Variants in FBXL7 observed in about 807,000 individuals in gnomAD.
The protein encoded by FBXL7 is F-box and leucine rich repeat protein 7, also known as F-box/LRR-repeat protein 7.
In FBXL7, 12 loss-of-function variants were observed where a neutral mutation model predicts 38.3. That is an observed-to-expected ratio of 0.31 (90% CI 0.20 to 0.51). The LOEUF (loss-of-function observed/expected upper bound fraction) is 0.51. FBXL7 is among the 20% of genes least tolerant of loss of function. The pLI is 0.98. For synonymous variants in FBXL7, 297 were observed against 300.9 expected (o/e 0.99, Z 0.13); for missense variants, 567 against 676.4 (o/e 0.84, Z 1.79).
intron 2 of FBXL7, among the ~76,000 whole-genome samples, chr5:15,657,258 T>G (rs1355874751): frequency 1.3e-5 from 2 of 152,180 alleles, no homozygotes; most frequent in Non-Finnish European, 2.9e-5. Flanking sequence ...AATAAACACA[T>G]GAAAATTGCC....
chr5:15,500,610 C>T lies in FBXL7; in HGVS notation c.-67C>T. 6.2e-7 allele frequency: 1 copy of T among 1,608,354 alleles called. No homozygotes were observed. The highest frequency in any genetic ancestry group is 8.5e-7 in the Non-Finnish European group (1 of 1,175,226). Reference sequence around the variant, plus strand: ...CCCGTCGGGCGGGCTTTCCTCGGGCCGAGCGCGCAGGACGTGCGCCGCAGC... The same window carrying T: ...CCCGTCGGGCGGGCTTTCCTCGGGCTGAGCGCGCAGGACGTGCGCCGCAGC... On this transcript the variant is annotated 5_prime_UTR_variant, in exon 1 of 4. Transcript: ENST00000504595.
chr5:15,925,031 CATGGACAAGCCCTAT>C (rs1741845336), intron 2 of FBXL7, among the ~76,000 whole-genome samples: 1 of 152,148 alleles, frequency 6.6e-6, no homozygotes, highest in African/African-American at 2.4e-5. Flanking sequence ...AAGCAAGTCA[CATGGACAAGCCCTAT>C]GTCACTAGAA....
chr5:15,512,557 T>A (rs1458047337), intron 1 of FBXL7, among the ~76,000 whole-genome samples: 1 of 152,248 alleles, frequency 6.6e-6, no homozygotes, highest in Non-Finnish European at 1.5e-5. Context: ...TTTACCCTCG[T>A]AAAAAGAAGT....
intron 2 of FBXL7, among the ~76,000 whole-genome samples, chr5:15,753,131 C>CG (rs1413169145): frequency 6.6e-6 from 1 of 151,980 alleles, no homozygotes; most frequent in South Asian, 2.1e-4. Context: ...AGGGAGCAGG[C>CG]GGGGGCTGGA....
chr5:15,700,548 A>G (rs1173279706), intron 2 of FBXL7, among the ~76,000 whole-genome samples: 1 of 152,194 alleles, frequency 6.6e-6, no homozygotes, highest in Non-Finnish European at 1.5e-5. Context: ...TTGGGCCTTC[A>G]TGTGTCTTAC....
chr5:15,824,295 CAAAAA>C (rs57955989), intron 2 of FBXL7, among the ~76,000 whole-genome samples: 2 of 122,912 alleles, frequency 1.6e-5, no homozygotes, highest in South Asian at 2.7e-4. Context: ...GACTCCGTCT[CAAAAA>C]AAAAAAAAAA....
chr5:15,654,018 A>G (rs1018997684), intron 2 of FBXL7, among the ~76,000 whole-genome samples: 13 of 152,230 alleles, frequency 8.5e-5, no homozygotes, highest in African/African-American at 2.9e-4. Context: ...ATTTAGCAGC[A>G]ATGAACCTGT....
intron 1 of FBXL7, among the ~76,000 whole-genome samples, chr5:15,534,009 A>C (rs1172260210): frequency 3.3e-5 from 5 of 152,120 alleles, no homozygotes; most frequent in Admixed American, 2.0e-4. Context: ...TTATGATTTA[A>C]GTAGACTTTA....
At chr5:15,880,695 T>A (rs1241732745) in intron 2 of FBXL7, among the ~76,000 whole-genome samples, 1 of 137,396 alleles carries the variant, frequency 7.3e-6, no homozygotes, top group Non-Finnish European at 1.5e-5. Context: ...AGCACTCTAC[T>A]TAGTATATAT....
intron 1 of FBXL7, among the ~76,000 whole-genome samples, chr5:15,580,360 G>A (rs556746358): frequency 6.6e-6 from 1 of 152,264 alleles, no homozygotes; most frequent in East Asian, 1.9e-4. Context: ...GAAATAAAGA[G>A]GCAAGTTAGA....
At chr5:15,899,281 G>A (rs1741178930) in intron 2 of FBXL7, among the ~76,000 whole-genome samples, 1 of 152,110 alleles carries the variant, frequency 6.6e-6, no homozygotes, top group Non-Finnish European at 1.5e-5. Context: ...GGTCAGGCTG[G>A]TCTTGAACTC....
intron 2 of FBXL7, among the ~76,000 whole-genome samples, chr5:15,807,322 T>A (rs932485745): frequency 2.0e-5 from 3 of 152,176 alleles, no homozygotes; most frequent in Non-Finnish European, 4.4e-5. Context: ...TACACCATGC[T>A]GGTACTTGGA....
intron 2 of FBXL7, among the ~76,000 whole-genome samples, chr5:15,924,714 C>T (rs1741836713): frequency 6.6e-6 from 1 of 150,742 alleles, no homozygotes; most frequent in Non-Finnish European, 1.5e-5. Context: ...ACCTCTGCCT[C>T]CTGGGTGCAA....
At chr5:15,791,979 C>G (rs1004169863) in intron 2 of FBXL7, among the ~76,000 whole-genome samples, 4 of 152,120 alleles carry the variant, frequency 2.6e-5, no homozygotes, top group African/African-American at 9.7e-5. Flanking sequence ...TGAAAAACAT[C>G]CATTTAATAC....
chr5:15,623,381 G>A (rs570504559), intron 2 of FBXL7, among the ~76,000 whole-genome samples: 3 of 152,198 alleles, frequency 2.0e-5, no homozygotes, highest in Non-Finnish European at 2.9e-5. Flanking sequence ...GCGATATTGT[G>A]TAAGTCCTTG....
intron 1 of FBXL7, among the ~76,000 whole-genome samples, chr5:15,564,016 A>G (rs2126441038): frequency 6.6e-6 from 1 of 152,190 alleles, no homozygotes; most frequent in East Asian, 1.9e-4. Flanking sequence ...AAGCCCTTTT[A>G]TCGTTGGAAA....
At chr5:15,913,960 T>A (rs1172700408) in intron 2 of FBXL7, among the ~76,000 whole-genome samples, 1 of 152,186 alleles carries the variant, frequency 6.6e-6, no homozygotes, top group East Asian at 1.9e-4. Flanking sequence ...GGGACAGGAA[T>A]ACAAACAAAA....
intron 2 of FBXL7, among the ~76,000 whole-genome samples, chr5:15,683,742 T>G (rs1742925077): frequency 6.6e-6 from 1 of 152,188 alleles, no homozygotes; most frequent in South Asian, 2.1e-4. Flanking sequence ...TTCTCTTTAG[T>G]AATCCAAGTT....
intron 2 of FBXL7, among the ~76,000 whole-genome samples, chr5:15,877,314 C>G (rs952036072): frequency 6.6e-6 from 1 of 152,178 alleles, no homozygotes; most frequent in Non-Finnish European, 1.5e-5. Flanking sequence ...ATGGAAAGCT[C>G]TTGCTCAGTC....
Sources: allele counts gnomAD v4.1 joint callset (sites outside exome capture counted in the v4.1 genomes callset), GRCh38; gene constraint gnomAD v4.1.1; transcripts MANE v1.5; gene names NCBI Gene and HGNC (gene_info 2026-07-23, HGNC 2026-07-21).